Variants in UGP2 observed in about 807,000 individuals in gnomAD.
UGP2 encodes the protein UTP--glucose-1-phosphate uridylyltransferase.
Under a neutral mutation model 49.0 loss-of-function variants are expected in UGP2, and 40 were observed. The ratio of observed to expected loss-of-function variants is 0.82; its 90% CI spans 0.63 to 1.06. The LOEUF is 1.06. UGP2 is among the 50% of genes least tolerant of loss of function. The pLI is 0.00. For synonymous variants in UGP2, 225 were observed against 213.0 expected (o/e 1.06, Z -0.49); for missense variants, 460 against 603.5 (o/e 0.76, Z 2.49).
rs1374542908 is a variant in UGP2, at chr2:63,882,488, A to G, written c.278A>G (p.Lys93Arg). The G allele has an allele frequency of 6.3e-7, 1 of 1,588,686 alleles. No individual in the cohort carries two copies. The part of the protein sequence containing the change: ...EDSIQPYEKI[K>R]ARGLPDNISS... ...CAGATTCAACCCTATGAAAAGATAAAGGCCAGGGGCTTGCCTGATAATATA... is the reference window on the plus strand; with the variant it reads ...CAGATTCAACCCTATGAAAAGATAAGGGCCAGGGGCTTGCCTGATAATATA... Residue 93 changes from lysine (K) to arginine (R), a missense_variant, in exon 4 of 10, where the codon AAG (lysine) becomes AGG (arginine). Around this residue, in one of 2 missense-constraint regions of UGP2, gnomAD observed 143 missense variants for 130.4 expected, o/e 1.10. Transcript: ENST00000337130.
Position 63,891,451 on chromosome 2 carries a change from C to T in UGP2, c.*224C>T, listed in dbSNP as rs1263747046. On this transcript the variant is annotated 3_prime_UTR_variant, in exon 10 of 10. Transcript: ENST00000337130. ...CCAAAAGTTAGTTCATCTTAAAGTGCAATATTGTTTAATCTTAAAACTGGG... is the reference window on the plus strand; with the variant it reads ...CCAAAAGTTAGTTCATCTTAAAGTGTAATATTGTTTAATCTTAAAACTGGG... The T allele has an allele frequency of 2.8e-6, 1 of 352,660 alleles. No individual in the cohort carries two copies. Among genetic ancestry groups the T allele is most frequent in the Non-Finnish European group, 5.1e-6 (1 of 196,546 alleles). 21.8% of individuals were successfully genotyped at this position (352,660 alleles called of 1,614,324 possible). A position where few individuals can be genotyped will look rare whatever the true frequency, so the allele number is the denominator to read the frequency against.
intron 3 of UGP2, among the ~76,000 whole-genome samples, chr2:63,860,084 A>G (rs1319076909): frequency 6.6e-6 from 1 of 152,182 alleles, no homozygotes; most frequent in Non-Finnish European, 1.5e-5. Flanking sequence ...TATTATAGAG[A>G]TCAATTTTCC....
chr2:63,883,973 C>G lies in UGP2; in HGVS notation c.455C>G (p.Thr152Ser). Residue 152 changes from threonine to serine, a missense_variant, in exon 5 of 10, where the codon ACC (threonine) becomes AGC (serine). By Grantham distance (58) the Thr-to-Ser change is moderately conservative. Around this residue, in one of 2 missense-constraint regions of UGP2, gnomAD observed 317 missense variants for 473.0 expected, o/e 0.67. Coordinates refer to ENST00000337130, the MANE Select transcript of UGP2 (RefSeq NM_006759.4). ...TTTCCTCCCTAGCATTTGAATAAAA[C>G]CTACAATACAGATGTTCCTCTTGTT... ...TVQQIEHLNK[T>S]YNTDVPLVLM... The G allele has an allele frequency of 1.2e-6, 2 of 1,603,708 alleles. No homozygotes were observed. Among genetic ancestry groups the G allele is most frequent in the Non-Finnish European group, 1.7e-6 (2 of 1,176,814 alleles).
intron 5 of UGP2, 76 bp from the exon 6 acceptor site, chr2:63,885,513 T>C (rs1471183329): frequency 2.6e-6 from 3 of 1,148,788 alleles, no homozygotes; most frequent in Non-Finnish European, 2.3e-6. Flanking sequence ...TATTTAACTT[T>C]AATGTATTAT....
At chr2:63,868,195 G>T (rs1670303471) in intron 3 of UGP2, among the ~76,000 whole-genome samples, 1 of 152,186 alleles carries the variant, frequency 6.6e-6, no homozygotes, top group South Asian at 2.1e-4. Context: ...ATATTGTATG[G>T]AGGTGGAGAT....
intron 5 of UGP2, 50 bp from the exon 6 acceptor site, chr2:63,885,537 CTG>C: frequency 1.5e-6 from 2 of 1,377,948 alleles, no homozygotes; most frequent in Non-Finnish European, 1.9e-6. Context: ...ATTTAAAGGC[CTG>C]AAATGCTCTA....
chr2:63,879,130 A>G (rs557678165), intron 3 of UGP2, among the ~76,000 whole-genome samples: 93 of 152,288 alleles, frequency 6.1e-4, no homozygotes, highest in Non-Finnish European at 1.1e-3. Context: ...GAATGTTAGT[A>G]TACCAAACAT....
At chr2:63,890,330 G>T (rs920022200) in intron 9 of UGP2, 145 bp downstream of exon 9, 27 of 616,600 alleles carry the variant, frequency 4.4e-5, no homozygotes, top group Middle Eastern at 4.4e-4. Flanking sequence ...ACTGAAATGA[G>T]AATCTTTAAA....
chr2:63,851,686 G>A (rs922926961), intron 1 of UGP2, among the ~76,000 whole-genome samples: 1 of 152,066 alleles, frequency 6.6e-6, no homozygotes, highest in South Asian at 2.1e-4. Flanking sequence ...GCATGGTTTC[G>A]AACAATCTTA....
intron 1 of UGP2, among the ~76,000 whole-genome samples, chr2:63,852,848 C>T (rs962574027): frequency 1.1e-4 from 17 of 152,050 alleles, no homozygotes; most frequent in African/African-American, 3.4e-4. Context: ...TTAGTTTCTA[C>T]GGAAATGTTA....
At chr2:63,842,295 A>G (rs1260486063) in intron 1 of UGP2, 91 bp downstream of exon 1, 22 of 1,607,612 alleles carry the variant, frequency 1.4e-5, no homozygotes, top group Non-Finnish European at 1.9e-5. Context: ...GGAAGTGGAA[A>G]TGTTCATTTG....
intron 3 of UGP2, among the ~76,000 whole-genome samples, chr2:63,863,093 C>G (rs145635998): frequency 2.6e-5 from 4 of 152,272 alleles, no homozygotes; most frequent in African/African-American, 7.2e-5. Flanking sequence ...AATTTTATGA[C>G]TTCAGCTGAC....
At chr2:63,865,659 C>T (rs1670135663) in intron 3 of UGP2, among the ~76,000 whole-genome samples, 1 of 151,706 alleles carries the variant, frequency 6.6e-6, no homozygotes, top group Non-Finnish European at 1.5e-5. Context: ...TTGCCTCGAC[C>T]TCTTGAGTAG....
chr2:63,886,597 C>A, intron 7 of UGP2, 59 bp downstream of exon 7: 1 of 1,579,248 alleles, frequency 6.3e-7, no homozygotes, highest in Non-Finnish European at 8.6e-7. Flanking sequence ...GTAGGCTACA[C>A]ACAGACCCCA....
At chr2:63,886,698 T>A (rs1408007048) in intron 7 of UGP2, among the ~76,000 whole-genome samples, 160 bp downstream of exon 7, 1 of 152,186 alleles carries the variant, frequency 6.6e-6, no homozygotes, top group East Asian at 1.9e-4. Flanking sequence ...CAGAATCTGC[T>A]GTCACCCCTC....
intron 3 of UGP2, among the ~76,000 whole-genome samples, chr2:63,866,603 C>T (rs1316750925): frequency 1.3e-5 from 2 of 152,022 alleles, no homozygotes; most frequent in Non-Finnish European, 2.9e-5. Flanking sequence ...TGCAGATACT[C>T]CAGGTTTAAG....
At chr2:63,859,309 A>G in intron 3 of UGP2, 1 of 152,062 alleles carries the variant, frequency 6.6e-6, no homozygotes, top group East Asian at 1.9e-4. Flanking sequence ...TTTTGGTCTT[A>G]ATTCTTGCTT....
chr2:63,849,997 G>T (rs1668941319), intron 1 of UGP2, among the ~76,000 whole-genome samples: 1 of 152,182 alleles, frequency 6.6e-6, no homozygotes, highest in Non-Finnish European at 1.5e-5. Context: ...CAACAAAGGA[G>T]TGTGAGGCCT....
chr2:63,855,704 G>C (rs903225696), intron 1 of UGP2: 4 of 428,644 alleles, frequency 9.3e-6, no homozygotes, highest in African/African-American at 8.3e-5. Context: ...ACCACACCTG[G>C]CTAATTTTTG....
Sources: allele counts gnomAD v4.1 joint callset (sites outside exome capture counted in the v4.1 genomes callset), GRCh38; gene constraint gnomAD v4.1.1; regional missense constraint gnomAD v4.1.1; transcripts MANE v1.5; gene names NCBI Gene and HGNC (gene_info 2026-07-23, HGNC 2026-07-21).